Variants in CYB5R2 observed in about 807,000 individuals in gnomAD.
The protein encoded by CYB5R2 is cytochrome b5 reductase 2, also known as NADH-cytochrome b5 reductase 2.
A neutral mutation model predicts 29.8 loss-of-function variants in CYB5R2; 35 were observed. The ratio of observed to expected loss-of-function variants is 1.17; its 90% CI spans 0.90 to 1.56. The LOEUF (loss-of-function observed/expected upper bound fraction) is 1.56. Among genes scored for constraint, CYB5R2 ranks in the 40% most tolerant of loss-of-function variants. The probability of loss-of-function intolerance (pLI) is 0.00; values close to 1 mark genes in which losing one functional copy is unlikely to be tolerated. For synonymous variants in CYB5R2, 169 were observed against 130.6 expected (o/e 1.29, Z -2.01); for missense variants, 419 against 346.7 (o/e 1.21, Z -1.66).
chr11:7,668,315 G>T (rs1236352737), intron 6 of CYB5R2, among the ~76,000 whole-genome samples, 163 bp downstream of exon 6: 1 of 152,140 alleles, frequency 6.6e-6, no homozygotes, highest in Admixed American at 6.5e-5. Context: ...GGGGAAGCAG[G>T]GTACACAGGG....
At chr11:7,667,630 C>A (rs547099080) in intron 7 of CYB5R2, 98 bp downstream of exon 7, 12 of 1,175,070 alleles carry the variant, frequency 1.0e-5, no homozygotes, top group Middle Eastern at 1.9e-4. Flanking sequence ...ATGCAGGCAC[C>A]CAAGCAGCAT....
chr11:7,673,538 G>T, upstream of CYB5R2: 1 of 968,164 alleles, frequency 1.0e-6, no homozygotes, highest in African/African-American at 1.8e-5. Context: ...CCCACTCCCC[G>T]CCCTTCGCGG....
chr11:7,674,169 G>A (rs564903673), upstream of CYB5R2: 531 of 1,238,936 alleles, frequency 4.3e-4, 3 homozygotes, highest in African/African-American at 7.4e-3. Flanking sequence ...GGGGATGCTG[G>A]GGAAGGAAGA....
At chr11:7,665,696 G>A in intron 8 of CYB5R2, 150 bp from the exon 9 acceptor site, 1 of 1,138,374 alleles carries the variant, frequency 8.8e-7, no homozygotes, top group Admixed American at 2.6e-5. Context: ...CCTGCAAAAA[G>A]CCTCAGAACT....
rs1855209188 is a variant in CYB5R2 at position 7,666,304 on chromosome 11, C to T, written c.658+147G>A. 5 of 621,288 alleles carry T rather than the reference C, an allele frequency of 8.0e-6. No individual in the cohort carries two copies. In the South Asian group the frequency reaches 1.0e-4, roughly 13 times the overall value. The allele number at this position is 621,288 out of a possible 1,614,324, so 38.5% of individuals were successfully genotyped here. The stretch of plus-strand genomic sequence containing the variant: ...AAATCCTTTCTCCCTCAATTTCTCA[C>T]ATTTCCCATCTGGAGCCAGAGCCCC... On this transcript the variant is annotated intron_variant, in intron 8 of 8. Transcript: ENST00000299498.
intron 1 of CYB5R2, chr11:7,673,120 C>A: frequency 2.2e-6 from 1 of 458,020 alleles, no homozygotes; most frequent in South Asian, 2.1e-5. Flanking sequence ...TGTTTCAGGC[C>A]CCTGGAGCAG....
intron 5 of CYB5R2, 173 bp downstream of exon 5, chr11:7,669,032 A>G (rs772568201): frequency 1.2e-6 from 1 of 819,652 alleles, no homozygotes. Context: ...TGACAACCTC[A>G]TGAAGTGGGT....
chr11:7,669,679 A>G lies in CYB5R2; in HGVS notation c.204T>C (p.Ala68=). The change falls in exon 4 of 9, where the codon GCT becomes GCC. Residue 68 remains alanine (A), a synonymous_variant. Coordinates refer to ENST00000299498, the MANE Select transcript of CYB5R2 (RefSeq NM_016229.5). ...AKIDNELVVR[A]YTPVSSDDDR... is the part of the protein sequence containing the mutation. ...CATCATCACTGGAGACAGGGGTGTA[A>G]GCCCTGACCACCAATTCATTATCGA... The G allele has an allele frequency of 6.2e-7, 1 of 1,613,808 alleles. No individual in the cohort carries two copies. The highest frequency in any genetic ancestry group is 8.5e-7 in the Non-Finnish European group (1 of 1,179,816).
chr11:7,672,875 A>T lies in CYB5R2; in HGVS notation c.-50T>A, dbSNP rs374847296. On this transcript the variant is annotated 5_prime_UTR_variant, in exon 2 of 9. Transcript: ENST00000299498. ...AGTGACCCCAGTGACGGTGATGGTC[A>T]GGAGCAGGGACGGGTCCTGGCAGAC... 6 of 1,613,528 alleles carry T rather than the reference A, an allele frequency of 3.7e-6. No homozygotes were observed. The African/African-American group carries it at 6.7e-5, about 18-fold the overall frequency.
intron 3 of CYB5R2, chr11:7,670,796 A>T (rs1416815894): frequency 1.3e-5 from 2 of 152,254 alleles, no homozygotes; most frequent in African/African-American, 4.8e-5. Context: ...ACAGGAGTGC[A>T]ATCAAGAGAT....
chr11:7,669,178 G>A, intron 5 of CYB5R2, 27 bp downstream of exon 5: 1 of 1,614,014 alleles, frequency 6.2e-7, no homozygotes, highest in Non-Finnish European at 8.5e-7. Flanking sequence ...TCCCAGCTGG[G>A]AGCCCAAGTA....
chr11:7,666,411 G>T, intron 8 of CYB5R2, 40 bp downstream of exon 8: 1 of 1,317,022 alleles, frequency 7.6e-7, no homozygotes, highest in Non-Finnish European at 1.1e-6. Context: ...GTCAAGGGTT[G>T]GTGCTGACCC....
At chr11:7,674,229 A>T (rs757577434), upstream of CYB5R2, 12 of 1,284,782 alleles carry the variant, frequency 9.3e-6, no homozygotes, top group East Asian at 5.6e-5. Flanking sequence ...GACATACCTC[A>T]TGGGCGCCTA....
chr11:7,666,477 C>A lies in CYB5R2; in HGVS notation c.632G>T (p.Trp211Leu). The A allele has an allele frequency of 6.2e-7, 1 of 1,613,092 alleles. No homozygotes were observed. Among genetic ancestry groups the A allele is most frequent in the Middle Eastern group, 1.7e-4 (1 of 5,844 alleles). Residue 211 changes from tryptophan (W) to leucine (L), a missense_variant, in exon 8 of 9, where the codon TGG becomes TTG. Coordinates refer to ENST00000299498, the MANE Select transcript of CYB5R2 (RefSeq NM_016229.5). ...AATGGGAGGCCTGTCCAGGGTGTACCACAGGTTGAACTGGTCTGGGTGAGT... is the reference window on the plus strand; with the variant it reads ...AATGGGAGGCCTGTCCAGGGTGTACAACAGGTTGAACTGGTCTGGGTGAGT... ...ARTHPDQFNL[W>L]YTLDRPPIGW...
chr11:7,668,433 G>GTCTCGGGGC (rs772582844), intron 6 of CYB5R2, 45 bp downstream of exon 6: 1 of 1,432,700 alleles, frequency 7.0e-7, no homozygotes. Flanking sequence ...GTCAGAATGG[G>GTCTCGGGGC]TCTCGGGGCT....
intron 5 of CYB5R2, chr11:7,668,893 C>T: frequency 6.9e-6 from 4 of 581,706 alleles, no homozygotes; most frequent in South Asian, 5.8e-5. Context: ...ATGTGAGTAA[C>T]CAAGGAGCAT....
intron 6 of CYB5R2, 52 bp from the exon 7 acceptor site, chr11:7,667,865 A>G: frequency 6.9e-7 from 1 of 1,452,734 alleles, no homozygotes; most frequent in South Asian, 1.1e-5. Flanking sequence ...TGAAGCCCAC[A>G]GTCCCTGACC....
rs1855057842 is a variant in CYB5R2 at position 7,665,440 on chromosome 11, G to C, written c.765C>G (p.Ile255Met). The change falls in exon 9 of 9, where the codon ATC (isoleucine) becomes ATG (methionine). Residue 255 changes from isoleucine to methionine, a missense_variant. By Grantham distance (10) the Ile-to-Met change is conservative. Coordinates refer to ENST00000299498, the MANE Select transcript of CYB5R2 (RefSeq NM_016229.5). ...CCAGGTTAGGGTGAGCCGCCGTCTGGATTAGTGGTGGCGGGCCACACACCA... is the reference window on the plus strand; with the variant it reads ...CCAGGTTAGGGTGAGCCGCCGTCTGCATTAGTGGTGGCGGGCCACACACCA... The part of the protein sequence containing the change: ...LILVCGPPPL[I>M]QTAAHPNLEK... 3 of 1,613,334 alleles carry C rather than the reference G, an allele frequency of 1.9e-6. No homozygotes were observed. Among genetic ancestry groups the C allele is most frequent in the Admixed American group, 1.7e-5 (1 of 59,886 alleles).
intron 7 of CYB5R2, chr11:7,666,848 C>CTTTTTG: frequency 3.6e-6 from 1 of 277,730 alleles, no homozygotes. Context: ...AGGATGGCTT[C>CTTTTTG]ACTCGGAGCT....
Sources: allele counts gnomAD v4.1 joint callset (sites outside exome capture counted in the v4.1 genomes callset), GRCh38; gene constraint gnomAD v4.1.1; transcripts MANE v1.5; gene names NCBI Gene and HGNC (gene_info 2026-07-23, HGNC 2026-07-21).